The following CASS4 variants were observed in gnomAD, a reference collection of about 807,000 sequenced individuals.
CASS4 encodes the protein Cas scaffold protein family member 4.
CASS4 carries 22 observed loss-of-function variants against 54.2 expected under a neutral mutation model. That is an observed-to-expected ratio of 0.41 (90% CI 0.29 to 0.58). CASS4 has a LOEUF of 0.58. Among genes scored for constraint, CASS4 ranks in the 20% least tolerant of loss-of-function variants. The pLI, the probability that CASS4 is intolerant of heterozygous loss-of-function variation, is 0.36. For synonymous variants in CASS4, 409 were observed against 391.5 expected (o/e 1.04, Z -0.53); for missense variants, 854 against 986.7 (o/e 0.87, Z 1.80).
intron 5 of CASS4, among the ~76,000 whole-genome samples, chr20:56,456,590 A>G (rs1981309839): frequency 6.6e-6 from 1 of 152,020 alleles, no homozygotes; most frequent in Non-Finnish European, 1.5e-5. Context: ...GGCAAGGCAC[A>G]TCTCAAATTC....
Position 56,458,562 on chromosome 20 carries a change from G to A in CASS4, c.2176G>A (p.Glu726Lys), listed in dbSNP as rs2146302852. 2 of 1,614,100 alleles carry A rather than the reference G, an allele frequency of 1.2e-6. No homozygotes were observed. Among genetic ancestry groups the A allele is most frequent in the South Asian group, 2.2e-5 (2 of 91,080 alleles). The change falls in exon 6 of 6, where the codon GAG (glutamate) becomes AAG (lysine). Residue 726 changes from glutamate to lysine, a missense_variant. Transcript: ENST00000679887. ...LVDTLCMETQERDVRNEILRG... is the reference protein window; with the variant it reads ...LVDTLCMETQKRDVRNEILRG... ...GGACACGCTGTGCATGGAGACCCAG[G>A]AGAGGGACGTGCGCAACGAGATCCT...
rs555919101 is a variant in CASS4 at position 56,456,434 on chromosome 20, C to T, written c.1954-1906C>T. 1.8e-4 allele frequency among the ~76,000 whole-genome samples: 28 copies of T among 151,514 alleles called. No individual in the cohort carries two copies. In the South Asian group the frequency reaches 5.6e-3, roughly 30 times the overall value. Reference sequence around the variant, plus strand: ...TGTCACCCAGGTGGGAGTGCAGTGGCGTGATCTCAGCTCATTGCAATCTCC... The same window carrying T: ...TGTCACCCAGGTGGGAGTGCAGTGGTGTGATCTCAGCTCATTGCAATCTCC... On this transcript the variant is annotated intron_variant, in intron 5 of 5. Transcript: ENST00000679887.
intron 4 of CASS4, 26 bp downstream of exon 4, chr20:56,450,705 C>T (rs776674677): frequency 1.1e-5 from 17 of 1,604,670 alleles, no homozygotes; most frequent in Admixed American, 6.7e-5. Context: ...TGCTAAGGTG[C>T]GGTGTTATGA....
intron 5 of CASS4, among the ~76,000 whole-genome samples, chr20:56,457,999 A>G (rs1438809983): frequency 6.7e-6 from 1 of 149,618 alleles, no homozygotes; most frequent in African/African-American, 2.5e-5. Flanking sequence ...TGGAAGATAA[A>G]GGAAAACTCT....
At chr20:56,425,177 G>A (rs532382976) in intron 1 of CASS4, among the ~76,000 whole-genome samples, 2 of 152,320 alleles carry the variant, frequency 1.3e-5, no homozygotes, top group East Asian at 1.9e-4. Flanking sequence ...AAGGATCACT[G>A]GGATAGCAGG....
chr20:56,437,166 A>T lies in CASS4; in HGVS notation c.39A>T (p.Ala13=). The T allele has an allele frequency of 6.5e-7, 1 of 1,536,722 alleles. No individual in the cohort carries two copies. ...TCTTCTCCCCTCTCCACCCACAGGC[A>T]CTCCTGGCCAGGGCACTTTATGACA... ...GTGIMDCAPK[A]LLARALYDNC... is the part of the protein sequence containing the mutation. The change falls in exon 2 of 6, where the codon GCA becomes GCT. Residue 13 remains alanine, a splice_region_variant and synonymous_variant. Coordinates refer to ENST00000679887, the MANE Select transcript of CASS4 (RefSeq NM_020356.4). The surrounding 1 kb of genome is among the most constrained non-coding windows in gnomAD (Gnocchi z 4.7).
chr20:56,428,788 C>T (rs1387936670), intron 1 of CASS4, among the ~76,000 whole-genome samples: 3 of 152,174 alleles, frequency 2.0e-5, no homozygotes, highest in Admixed American at 1.3e-4. Context: ...AGGCTTCAGT[C>T]AGATGGATGC....
intron 1 of CASS4, among the ~76,000 whole-genome samples, chr20:56,418,313 C>T (rs969589466): frequency 2.0e-5 from 3 of 152,154 alleles, no homozygotes; most frequent in African/African-American, 7.2e-5. Context: ...TACAGGGCCC[C>T]TGTAAAGACC....
chr20:56,437,436 A>G lies in CASS4; in HGVS notation c.309A>G (p.Leu103=). Residue 103 remains leucine (L), a synonymous_variant, in exon 2 of 6, where the codon CTA becomes CTG. Coordinates refer to ENST00000679887, the MANE Select transcript of CASS4 (RefSeq NM_020356.4). This position sits in a 1 kb window ranked among gnomAD's most constrained non-coding sequence, Gnocchi z 4.7. ...AGGAGACCTATCAGGTGCCCACTCTACCCCGCCCTCCCACTCCAGGCCCCG... is the reference window on the plus strand; with the variant it reads ...AGGAGACCTATCAGGTGCCCACTCTGCCCCGCCCTCCCACTCCAGGCCCCG... ...SSEETYQVPT[L]PRPPTPGPVY... 6.2e-7 allele frequency: 1 copy of G among 1,613,584 alleles called. No homozygotes were observed. Among genetic ancestry groups the G allele is most frequent in the Non-Finnish European group, 8.5e-7 (1 of 1,179,826 alleles).
chr20:56,438,827 A>ATTG, intron 2 of CASS4, among the ~76,000 whole-genome samples: 1 of 152,380 alleles, frequency 6.6e-6, no homozygotes, highest in African/African-American at 2.4e-5. Context: ...ATTGCTCCCC[A>ATTG]GCCTGGACGC....
chr20:56,434,616 T>TG (rs1462610989), intron 1 of CASS4, among the ~76,000 whole-genome samples: 1 of 151,854 alleles, frequency 6.6e-6, no homozygotes, highest in Admixed American at 6.6e-5. Context: ...TTTTTTTTTT[T>TG]TTGTATTTTT....
At position 56,458,903 on chromosome 20, in the gene CASS4, C is replaced by A; in HGVS notation, c.*156C>A. Reference sequence around the variant, plus strand: ...TGGTAGTACCAAGTGGCTAAGCAACCCCAGGGCATTGACTTACCCCGCAGG... The same window carrying A: ...TGGTAGTACCAAGTGGCTAAGCAACACCAGGGCATTGACTTACCCCGCAGG... On this transcript the variant is annotated 3_prime_UTR_variant, in exon 6 of 6. Coordinates refer to ENST00000679887, the MANE Select transcript of CASS4 (RefSeq NM_020356.4). 1 of 714,348 alleles carries A rather than the reference C, an allele frequency of 1.4e-6. No homozygotes were observed. Among genetic ancestry groups the A allele is most frequent in the Non-Finnish European group, 2.3e-6 (1 of 441,390 alleles). 44.3% of individuals were successfully genotyped at this position (714,348 alleles called of 1,614,324 possible). A position where few individuals can be genotyped will look rare whatever the true frequency, so the allele number is the denominator to read the frequency against.
At chr20:56,438,654 C>T (rs527331123) in intron 2 of CASS4, among the ~76,000 whole-genome samples, 4 of 152,174 alleles carry the variant, frequency 2.6e-5, no homozygotes, top group Admixed American at 6.5e-5. Flanking sequence ...GTCAGGAGTT[C>T]GAGACCAGCC....
intron 2 of CASS4, among the ~76,000 whole-genome samples, chr20:56,443,986 G>A (rs902745542): frequency 6.6e-5 from 10 of 152,164 alleles, no homozygotes; most frequent in Non-Finnish European, 1.0e-4. Context: ...GAAAGCAGTC[G>A]TCACTCAACG....
intron 1 of CASS4, among the ~76,000 whole-genome samples, chr20:56,428,521 G>A (rs1979748118): frequency 6.6e-6 from 1 of 152,184 alleles, no homozygotes; most frequent in South Asian, 2.1e-4. Context: ...GCTTCACTGG[G>A]CCCAAGGAGT....
intron 1 of CASS4, among the ~76,000 whole-genome samples, chr20:56,420,555 A>ATTTT (rs11475630): frequency 7.3e-6 from 1 of 137,318 alleles, no homozygotes; most frequent in Non-Finnish European, 1.6e-5. Context: ...TGCCCATCTA[A>ATTTT]TTTTTTTTTT....
At chr20:56,458,191 C>A in intron 5 of CASS4, 149 bp from the exon 6 acceptor site, 1 of 598,010 alleles carries the variant, frequency 1.7e-6, no homozygotes, top group Non-Finnish European at 2.9e-6. Flanking sequence ...ATTTGTTAGA[C>A]AACTGTTGCA....
chr20:56,453,741 T>A (rs1981155048), intron 5 of CASS4: 1 of 152,532 alleles, frequency 6.6e-6, no homozygotes, highest in South Asian at 2.1e-4. Context: ...TATTTTTAAA[T>A]ATCCAGGTGT....
Position 56,459,058 on chromosome 20 carries a change from G to A in CASS4, c.*311G>A. On this transcript the variant is annotated 3_prime_UTR_variant, in exon 6 of 6. Coordinates refer to ENST00000679887, the MANE Select transcript of CASS4 (RefSeq NM_020356.4). ...TATTGATTAAATGTGTGCATGTTTT[G>A]TTTGTTTTTTGAGACAAAGTCTCAC... is the stretch of plus-strand genomic sequence containing the variant. 1 of 257,160 alleles carries A rather than the reference G, an allele frequency of 3.9e-6. No individual in the cohort carries two copies. The highest frequency in any genetic ancestry group is 7.5e-6 in the Non-Finnish European group (1 of 133,454). The allele number at this position is 257,160 out of a possible 1,614,324, so 15.9% of individuals were successfully genotyped here.
Sources: allele counts gnomAD v4.1 joint callset (sites outside exome capture counted in the v4.1 genomes callset), GRCh38; gene constraint gnomAD v4.1.1; non-coding constraint Gnocchi (gnomAD v3.1); transcripts MANE v1.5; gene names NCBI Gene and HGNC (gene_info 2026-07-23, HGNC 2026-07-21).